The following BCL11B variants were observed in gnomAD, a reference collection of about 807,000 sequenced individuals.
BCL11B encodes BCL11 transcription factor B.
Under a neutral mutation model 49.9 loss-of-function variants are expected in BCL11B, and 8 were observed. The ratio of observed to expected loss-of-function variants is 0.16; its 90% CI spans 0.09 to 0.29. The LOEUF (loss-of-function observed/expected upper bound fraction) is 0.29. Ranked by LOEUF, BCL11B falls within the 10% of genes least tolerant of loss-of-function variation. The pLI is 1.00. For synonymous variants in BCL11B, 739 were observed against 637.4 expected (o/e 1.16, Z -2.40); for missense variants, 1,006 against 1,351.0 (o/e 0.74, Z 4.00).
intron 3 of BCL11B, among the ~76,000 whole-genome samples, chr14:99,211,727 T>C (rs1887695713): frequency 6.6e-6 from 1 of 152,100 alleles, no homozygotes; most frequent in Non-Finnish European, 1.5e-5. Flanking sequence ...GACCTGCTGG[T>C]GCATTTCCCA....
intron 2 of BCL11B, among the ~76,000 whole-genome samples, chr14:99,251,784 G>A (rs753972658): frequency 1.3e-5 from 2 of 152,152 alleles, no homozygotes; most frequent in Non-Finnish European, 2.9e-5. Flanking sequence ...GACCATTTTG[G>A]ATGGGGTCAG....
At chr14:99,266,123 A>G (rs1234209913) in intron 1 of BCL11B, among the ~76,000 whole-genome samples, 1 of 152,228 alleles carries the variant, frequency 6.6e-6, no homozygotes, top group Non-Finnish European at 1.5e-5. Context: ...AAAGTTTTAC[A>G]TGTTATTTGA....
chr14:99,266,884 G>C (rs1444064307), intron 1 of BCL11B, among the ~76,000 whole-genome samples: 2 of 152,226 alleles, frequency 1.3e-5, no homozygotes, highest in Non-Finnish European at 1.5e-5. Flanking sequence ...ATGAAAAGGG[G>C]ATAAGTGAAG....
At position 99,271,554 on chromosome 14, in the gene BCL11B, C is replaced by T. The variant is rs1363852551; in HGVS notation, c.-336G>A. Reference sequence around the variant, plus strand: ...ACTGCTGTTGCTTTCCGCGGACTGGCTGGTTTCTTTAAAAATATATTCTTT... The same window carrying T: ...ACTGCTGTTGCTTTCCGCGGACTGGTTGGTTTCTTTAAAAATATATTCTTT... On this transcript the variant is annotated 5_prime_UTR_variant, in exon 1 of 4. Transcript: ENST00000357195. 5.1e-6 allele frequency: 1 copy of T among 194,844 alleles called. No homozygotes were observed. Among genetic ancestry groups the T allele is most frequent in the Non-Finnish European group, 1.1e-5 (1 of 94,234 alleles). 12.1% of individuals were successfully genotyped at this position (194,844 alleles called of 1,614,324 possible).
rs1048134407 is a variant in BCL11B at position 99,174,382 on chromosome 14, G to A, written c.2454C>T (p.His818=). The change falls in exon 4 of 4, where the codon CAC becomes CAT. Residue 818 remains histidine, a synonymous_variant. Coordinates refer to ENST00000357195, the MANE Select transcript of BCL11B (RefSeq NM_138576.4). ...CGCACTTGTAAGGCCGCTCGCCGGTGTGGCTCCGCCGGTGCACCGTCAAGT... is the reference window on the plus strand; with the variant it reads ...CGCACTTGTAAGGCCGCTCGCCGGTATGGCTCCGCCGGTGCACCGTCAAGT... The part of the protein sequence containing the change: ...CSNLTVHRRS[H]TGERPYKCEL... 2.2e-5 allele frequency: 35 copies of A among 1,613,440 alleles called. No homozygotes were observed. Among genetic ancestry groups the A allele is most frequent in the Non-Finnish European group, 2.8e-5 (33 of 1,179,916 alleles).
At chr14:99,179,343 A>G (rs927169469) in intron 3 of BCL11B, among the ~76,000 whole-genome samples, 1 of 152,052 alleles carries the variant, frequency 6.6e-6, no homozygotes, top group Non-Finnish European at 1.5e-5. Flanking sequence ...GTGTGGTGGC[A>G]TATGCCTATA....
intron 3 of BCL11B, among the ~76,000 whole-genome samples, chr14:99,212,694 C>A (rs151048777): frequency 6.6e-6 from 1 of 152,190 alleles, no homozygotes; most frequent in Non-Finnish European, 1.5e-5. Context: ...TCCCAGAGAA[C>A]AACCCCTCCA....
In BCL11B at chr14:99,271,270, G is replaced by C. The variant is rs1456511427; in HGVS notation, c.-52C>G. 1 of 1,279,430 alleles carries C rather than the reference G, an allele frequency of 7.8e-7. No homozygotes were observed. 79.3% of individuals were successfully genotyped at this position (1,279,430 alleles called of 1,614,324 possible). ...CCGGAGAGCTGCACTGATGGGGGGA[G>C]CCGGGGGAGGGGGTCCGAGCCGCCG... On this transcript the variant is annotated 5_prime_UTR_variant, in exon 1 of 4. Transcript: ENST00000357195.
rs1887616067 is a variant in BCL11B at position 99,209,070 on chromosome 14, G to T, written c.640+22275C>A. On this transcript the variant is annotated intron_variant, in intron 3 of 3. Coordinates refer to ENST00000357195, the MANE Select transcript of BCL11B (RefSeq NM_138576.4). ...AAGAGCTTTACTAAAATGTGTCTAG[G>T]ATAGAGAAGGGCTACAGTCTGAGAC... Among the ~76,000 whole-genome samples the T allele has an allele frequency of 2.0e-5, 3 of 152,276 alleles. 1 individual carries two copies. Among genetic ancestry groups the T allele is most frequent in the Admixed American group, 2.0e-4 (3 of 15,300 alleles).
intron 2 of BCL11B, among the ~76,000 whole-genome samples, chr14:99,246,263 C>T (rs1888833272): frequency 6.6e-6 from 1 of 152,230 alleles, no homozygotes; most frequent in Non-Finnish European, 1.5e-5. Context: ...GCCCGCCCCT[C>T]GCCGCCCGGC....
intron 1 of BCL11B, among the ~76,000 whole-genome samples, chr14:99,259,937 T>C (rs2139959312): frequency 6.6e-6 from 1 of 152,340 alleles, no homozygotes. Context: ...CTTTTTCCCT[T>C]TAATGATCTA....
In BCL11B at chr14:99,205,486, C is replaced by T. The variant is rs1368745827; in HGVS notation, c.640+25859G>A. On this transcript the variant is annotated intron_variant, in intron 3 of 3. Coordinates refer to ENST00000357195, the MANE Select transcript of BCL11B (RefSeq NM_138576.4). The surrounding 1 kb of genome is among the most constrained non-coding windows in gnomAD (Gnocchi z 5.0). ...GCCCAAGGACCAGGCGCTCGCTACA[C>T]CAGCATGCCAGGAAAGGGGAGGAGC... Among the ~76,000 whole-genome samples, 10 of 152,316 alleles carry T rather than the reference C, an allele frequency of 6.6e-5. No homozygotes were observed. In the South Asian group the frequency reaches 1.4e-3, roughly 22 times the overall value.
chr14:99,222,585 T>TA (rs1888042760), intron 3 of BCL11B, among the ~76,000 whole-genome samples: 2 of 152,360 alleles, frequency 1.3e-5, no homozygotes, highest in South Asian at 4.1e-4. Context: ...GCTCATGCTC[T>TA]AGCCCTCTTC....
rs79927159 is a variant in BCL11B, at chr14:99,185,599, G to C, written c.641-9404C>G. Among the ~76,000 whole-genome samples the C allele has an allele frequency of 1.9e-3, 286 of 152,258 alleles. 3 individuals carry two copies. Among genetic ancestry groups the C allele is most frequent in the African/African-American group, 6.5e-3 (271 of 41,516 alleles). The stretch of plus-strand genomic sequence containing the variant: ...GCTGGGCCACGCGACGCAGAAAGCA[G>C]CTCTGTTTGCTATAGAATGAGGCAG... On this transcript the variant is annotated intron_variant, in intron 3 of 3. Transcript: ENST00000357195.
chr14:99,175,057 C>T lies in BCL11B; in HGVS notation c.1779G>A (p.Leu593=), dbSNP rs1886444378. The change falls in exon 4 of 4, where the codon CTG becomes CTA. Residue 593 remains leucine (L), a synonymous_variant. Transcript: ENST00000357195. ...CGTTCTCCATGACCTTGCCCAGCAC[C>T]AGCGCCTTCTCGTCAGCCAGCGCCT... ...AAKALADEKA[L]VLGKVMENVG... 1.3e-6 allele frequency: 2 copies of T among 1,599,308 alleles called. No homozygotes were observed. The highest frequency in any genetic ancestry group is 4.5e-5 in the East Asian group (2 of 44,468).
rs1566790143 is a variant in BCL11B at position 99,170,964 on chromosome 14, C to T, written c.*3187G>A. ...GGGCGGGAGAGGTGGTGGTGGTGACCGCCACAGGAGTGATGGTAGAGAAGG... is the reference window on the plus strand; with the variant it reads ...GGGCGGGAGAGGTGGTGGTGGTGACTGCCACAGGAGTGATGGTAGAGAAGG... On this transcript the variant is annotated 3_prime_UTR_variant, in exon 4 of 4. Coordinates refer to ENST00000357195, the MANE Select transcript of BCL11B (RefSeq NM_138576.4). 2 of 232,366 alleles carry T rather than the reference C, an allele frequency of 8.6e-6. No individual in the cohort carries two copies. Among genetic ancestry groups the T allele is most frequent in the Non-Finnish European group, 1.7e-5 (2 of 117,596 alleles). 14.4% of individuals were successfully genotyped at this position (232,366 alleles called of 1,614,324 possible).
In BCL11B at chr14:99,170,622, G is replaced by C. The variant is rs1886258318; in HGVS notation, c.*3529C>G. 8.6e-6 allele frequency: 2 copies of C among 232,958 alleles called. No homozygotes were observed. The highest frequency in any genetic ancestry group is 1.7e-5 in the Non-Finnish European group (2 of 117,674). The allele number at this position is 232,958 out of a possible 1,614,324, so 14.4% of individuals were successfully genotyped here. ...GATGAAGGATGGAGAGGAAACGCAG[G>C]GGAAGGAGAGAGAACGAGATATGGA... On this transcript the variant is annotated 3_prime_UTR_variant, in exon 4 of 4. Coordinates refer to ENST00000357195, the MANE Select transcript of BCL11B (RefSeq NM_138576.4).
rs1440888810 is a variant in BCL11B at position 99,175,092 on chromosome 14, C to T, written c.1744G>A (p.Gly582Ser). The T allele has an allele frequency of 1.1e-5, 18 of 1,598,542 alleles. No individual in the cohort carries two copies. Among genetic ancestry groups the T allele is most frequent in the African/African-American group, 1.1e-4 (8 of 74,606 alleles). The change falls in exon 4 of 4, where the codon GGC becomes AGC. Residue 582 changes from glycine to serine, a missense_variant. Gly to Ser is a moderately conservative substitution (Grantham distance 56). Coordinates refer to ENST00000357195, the MANE Select transcript of BCL11B (RefSeq NM_138576.4). The stretch of plus-strand genomic sequence containing the variant: ...TCGTCAGCCAGCGCCTTGGCCGCGC[C>T]GCCCCCCGCGCCCGGGACCCCGGGC... ...GVPGVPGAGG[G>S]AAKALADEKA...
rs146437662 is a variant in BCL11B, at chr14:99,239,061, G to A, written c.428-7504C>T. On this transcript the variant is annotated intron_variant, in intron 2 of 3. Transcript: ENST00000357195. Reference sequence around the variant, plus strand: ...GTGGACATGTTAAGATGTCTTGCGCGCATCCAACCAGAGTCCACAGAGGGC... The same window carrying A: ...GTGGACATGTTAAGATGTCTTGCGCACATCCAACCAGAGTCCACAGAGGGC... Among the ~76,000 whole-genome samples the A allele has an allele frequency of 5.9e-5, 9 of 152,290 alleles. No individual in the cohort carries two copies. The East Asian group carries it at 9.7e-4, about 16-fold the overall frequency.
Sources: allele counts gnomAD v4.1 joint callset (sites outside exome capture counted in the v4.1 genomes callset), GRCh38; gene constraint gnomAD v4.1.1; non-coding constraint Gnocchi (gnomAD v3.1); transcripts MANE v1.5; gene names NCBI Gene and HGNC (gene_info 2026-07-23, HGNC 2026-07-21).